ABI2: variants seen among roughly 807,000 people sequenced by gnomAD.
ABI2 encodes abelson interactor 2.
ABI2 carries 25 observed loss-of-function variants against 59.2 expected under a neutral mutation model. The ratio of observed to expected loss-of-function variants is 0.42; its 90% CI spans 0.31 to 0.59. The LOEUF is 0.59. Ranked by LOEUF, ABI2 falls within the 20% of genes least tolerant of loss-of-function variation. The pLI is 0.14. For missense variants in ABI2, 545 were observed against 681.8 expected (o/e 0.80, Z 2.23); for synonymous variants, 213 against 235.5 (o/e 0.90, Z 0.87).
At chr2:203,409,308 G>A (rs1410911647) in intron 9 of ABI2, among the ~76,000 whole-genome samples, 1 of 152,076 alleles carries the variant, frequency 6.6e-6, no homozygotes, top group African/African-American at 2.4e-5. Context: ...TTTTAAGAAA[G>A]GTACCAATTT....
chr2:203,370,222 C>CTCTT (rs1359831388), intron 2 of ABI2, among the ~76,000 whole-genome samples: 1 of 132,586 alleles, frequency 7.5e-6, no homozygotes, highest in African/African-American at 2.7e-5. Context: ...CTCTCTCTCT[C>CTCTT]TCTCTTTCTG....
At chr2:203,396,508 C>T (rs975647265) in intron 7 of ABI2, among the ~76,000 whole-genome samples, 6 of 151,940 alleles carry the variant, frequency 3.9e-5, no homozygotes, top group Admixed American at 1.3e-4. Context: ...AATAACAATA[C>T]GAAGGGAACA....
At chr2:203,393,811 CTG>C (rs1387037218) in intron 5 of ABI2, among the ~76,000 whole-genome samples, 1 of 151,668 alleles carries the variant, frequency 6.6e-6, no homozygotes, top group African/African-American at 2.4e-5. Context: ...TGTCAATTGA[CTG>C]TTTATCATTG....
chr2:203,336,390 A>G (rs1402919773), intron 1 of ABI2, among the ~76,000 whole-genome samples: 3 of 152,212 alleles, frequency 2.0e-5, no homozygotes, highest in African/African-American at 4.8e-5. Context: ...CTTGAACTGC[A>G]TCTGATCTGA....
At chr2:203,406,589 A>T (rs904276279) in intron 9 of ABI2, among the ~76,000 whole-genome samples, 5 of 152,250 alleles carry the variant, frequency 3.3e-5, no homozygotes, top group African/African-American at 1.2e-4. Flanking sequence ...TTACAGCATC[A>T]CCATAAATGT....
At chr2:203,380,483 A>G (rs1204282225) in intron 3 of ABI2, 99 bp downstream of exon 3, 12 of 786,532 alleles carry the variant, frequency 1.5e-5, no homozygotes, top group African/African-American at 3.6e-5. Context: ...TTCCTAGAGG[A>G]CAAAGTCTTG....
intron 4 of ABI2, among the ~76,000 whole-genome samples, chr2:203,389,985 C>T (rs1288597936): frequency 6.6e-6 from 1 of 152,172 alleles, no homozygotes. Flanking sequence ...CTTTCTCATG[C>T]CTGAATTCAC....
At chr2:203,397,649 A>G (rs988498438) in intron 8 of ABI2, among the ~76,000 whole-genome samples, 1 of 152,210 alleles carries the variant, frequency 6.6e-6, no homozygotes, top group Non-Finnish European at 1.5e-5. Flanking sequence ...TCACATTGCT[A>G]TAAATACCTG....
rs1487959819 is a variant in ABI2, at chr2:203,402,852, A to G, written c.1192+118A>G. 5.9e-6 allele frequency: 4 copies of G among 682,536 alleles called. No individual in the cohort carries two copies. The East Asian group carries it at 1.3e-4, about 22-fold the overall frequency. The allele number at this position is 682,536 out of a possible 1,614,324, so 42.3% of individuals were successfully genotyped here. A position where few individuals can be genotyped will look rare whatever the true frequency, so the allele number is the denominator to read the frequency against. On this transcript the variant is annotated intron_variant, in intron 9 of 11. Coordinates refer to ENST00000261018, the MANE Select transcript of ABI2 (RefSeq NM_001375670.1). ...GGTGGTTAGCACCATTTGTTGAATG[A>G]ATGGGAGAATGAATGAATTGTAGGT... is the stretch of plus-strand genomic sequence containing the variant.
chr2:203,363,164 T>G (rs1459034795), intron 1 of ABI2, among the ~76,000 whole-genome samples: 2 of 152,066 alleles, frequency 1.3e-5, no homozygotes, highest in African/African-American at 4.8e-5. Flanking sequence ...AAAAAAAATT[T>G]TTCGTGAGTA....
In ABI2 at chr2:203,346,034, A is replaced by G. The variant is rs776824437; in HGVS notation, c.117+17403A>G. ...GTCTCTACTAAAAATACACACGCGC[A>G]CACACACACACAAACTGAGGCAGGA... On this transcript the variant is annotated intron_variant, in intron 1 of 11. Coordinates refer to ENST00000261018, the MANE Select transcript of ABI2 (RefSeq NM_001375670.1). 3.0e-4 allele frequency among the ~76,000 whole-genome samples: 45 copies of G among 151,026 alleles called. 1 individual carries two copies. The highest frequency in any genetic ancestry group is 1.7e-3 in the South Asian group (8 of 4,752).
rs1464960082 is a variant in ABI2 at position 203,394,831 on chromosome 2, G to T, written c.710G>T (p.Arg237Ile). Residue 237 changes from arginine to isoleucine, a missense_variant, in exon 6 of 12, where the codon AGA (arginine) becomes ATA (isoleucine). Arg to Ile is a moderately conservative substitution (Grantham distance 97). Coordinates refer to ENST00000261018, the MANE Select transcript of ABI2 (RefSeq NM_001375670.1). Reference sequence around the variant, plus strand: ...GTGAGGACAGCTTCTGTGAATCAAAGAAATCGAACTTACAGGTATTTTCTC... The same window carrying T: ...GTGAGGACAGCTTCTGTGAATCAAATAAATCGAACTTACAGGTATTTTCTC... ...SPVRTASVNQ[R>I]NRTYSSSGSS... The T allele has an allele frequency of 1.9e-6, 3 of 1,613,988 alleles. No homozygotes were observed. Among genetic ancestry groups the T allele is most frequent in the East Asian group, 2.2e-5 (1 of 44,890 alleles).
chr2:203,403,296 A>G (rs1164378384), intron 9 of ABI2: 1 of 154,152 alleles, frequency 6.5e-6, no homozygotes, highest in Non-Finnish European at 1.5e-5. Flanking sequence ...TTTAATAATT[A>G]TTATTTTGTT....
intron 1 of ABI2, among the ~76,000 whole-genome samples, chr2:203,345,047 G>A (rs540300965): frequency 1.3e-5 from 2 of 152,272 alleles, no homozygotes; most frequent in Admixed American, 6.5e-5. Context: ...GCCCGCAGTG[G>A]CAACCCGCCG....
intron 10 of ABI2, among the ~76,000 whole-genome samples, chr2:203,412,053 G>C (rs1268188609): frequency 3.3e-5 from 5 of 152,088 alleles, no homozygotes; most frequent in Non-Finnish European, 7.4e-5. Flanking sequence ...CAATAATAAG[G>C]TTACATGATT....
intron 2 of ABI2, among the ~76,000 whole-genome samples, chr2:203,373,988 A>G (rs2095501927): frequency 6.6e-6 from 1 of 150,632 alleles, no homozygotes; most frequent in Non-Finnish European, 1.5e-5. Context: ...GCAAAATTCC[A>G]TCTCTCCAAA....
chr2:203,331,832 CAG>C (rs935938775), intron 1 of ABI2, among the ~76,000 whole-genome samples: 5 of 134,346 alleles, frequency 3.7e-5, no homozygotes, highest in Admixed American at 7.9e-5. Flanking sequence ...TTTTTTGACA[CAG>C]AGTTTCACTC....
intron 4 of ABI2, among the ~76,000 whole-genome samples, chr2:203,384,694 T>C (rs1020257810): frequency 2.0e-5 from 3 of 152,154 alleles, no homozygotes; most frequent in African/African-American, 7.2e-5. Flanking sequence ...TTCTGTTGAA[T>C]GCATTAAAAT....
At chr2:203,416,043 A>G (rs952346183) in intron 10 of ABI2, among the ~76,000 whole-genome samples, 14 of 152,210 alleles carry the variant, frequency 9.2e-5, no homozygotes, top group African/African-American at 3.1e-4. Flanking sequence ...AAGTAACCCA[A>G]GTTTGTTGAT....
Sources: gnomAD v4.1 joint callset for allele counts (sites outside exome capture counted in the v4.1 genomes callset) on GRCh38, gnomAD v4.1.1 for gene constraint, MANE v1.5 for transcripts, NCBI Gene and HGNC (gene_info 2026-07-23, HGNC 2026-07-21) for gene names.